The following OLFM2 variants were observed in gnomAD, a reference collection of about 807,000 sequenced individuals.
OLFM2 encodes noelin-2.
In OLFM2, 20 loss-of-function variants were observed where a neutral mutation model predicts 43.9. The ratio of observed to expected loss-of-function variants is 0.46; its 90% CI spans 0.32 to 0.66. The LOEUF (loss-of-function observed/expected upper bound fraction) is 0.66, where lower values mean the gene tolerates loss of function less well. Ranked by LOEUF, OLFM2 falls within the 30% of genes least tolerant of loss-of-function variation. The probability of loss-of-function intolerance (pLI) is 0.04; values close to 1 mark genes in which losing one functional copy is unlikely to be tolerated. For missense variants in OLFM2, 416 were observed against 643.6 expected (o/e 0.65, Z 3.83); for synonymous variants, 268 against 278.6 (o/e 0.96, Z 0.38).
intron 1 of OLFM2, among the ~76,000 whole-genome samples, chr19:9,864,869 G>A (rs982402081): frequency 2.5e-4 from 37 of 145,140 alleles, no homozygotes; most frequent in African/African-American, 9.0e-4. Flanking sequence ...GGGCTCAAGC[G>A]ATCCACCTGC....
intron 1 of OLFM2, among the ~76,000 whole-genome samples, chr19:9,886,348 G>A (rs2145460314): frequency 6.6e-6 from 1 of 152,116 alleles, no homozygotes; most frequent in African/African-American, 2.4e-5. Context: ...TGGGATTACA[G>A]GCACACACCA....
At chr19:9,925,398 C>T (rs182740738) in intron 1 of OLFM2, among the ~76,000 whole-genome samples, 10 of 152,128 alleles carry the variant, frequency 6.6e-5, no homozygotes, top group African/African-American at 1.9e-4. Flanking sequence ...GCGCAGTCGC[C>T]GTAGAAAACA....
chr19:9,872,737 A>T, intron 1 of OLFM2, among the ~76,000 whole-genome samples: 1 of 151,934 alleles, frequency 6.6e-6, no homozygotes, highest in African/African-American at 2.4e-5. Context: ...CATAAAACCA[A>T]CCATCTATCC....
At chr19:9,901,085 GTGA>G in intron 1 of OLFM2, among the ~76,000 whole-genome samples, 1 of 121,220 alleles carries the variant, frequency 8.2e-6, no homozygotes, top group Admixed American at 8.2e-5. Flanking sequence ...AAGAAAGAGA[GTGA>G]GGAAGGAAGG....
chr19:9,895,219 G>A lies in OLFM2; in HGVS notation c.64-34425C>T, dbSNP rs142810121. On this transcript the variant is annotated intron_variant, in intron 1 of 5. Coordinates refer to ENST00000264833, the MANE Select transcript of OLFM2 (RefSeq NM_058164.4). ...TCAGCAAGTCTAGGCTGTGTGCAGT[G>A]GCTTATGCCTGTTATCCCAGCACTT... Among the ~76,000 whole-genome samples, 131 of 152,252 alleles carry A rather than the reference G, an allele frequency of 8.6e-4. 2 individuals carry two copies. Among genetic ancestry groups the A allele is most frequent in the African/African-American group, 3.1e-3 (130 of 41,538 alleles).
At chr19:9,869,094 C>G (rs2046424435) in intron 1 of OLFM2, among the ~76,000 whole-genome samples, 2 of 150,958 alleles carry the variant, frequency 1.3e-5, no homozygotes, top group Admixed American at 6.6e-5. Context: ...CAGCATATGG[C>G]CGGGCCATAA....
At chr19:9,867,803 G>A (rs988263933) in intron 1 of OLFM2, among the ~76,000 whole-genome samples, 1 of 152,154 alleles carries the variant, frequency 6.6e-6, no homozygotes, top group Non-Finnish European at 1.5e-5. Context: ...GAAACTTTGT[G>A]GACAGCATCT....
chr19:9,913,772 A>C (rs929732843), intron 1 of OLFM2: 42 of 489,444 alleles, frequency 8.6e-5, no homozygotes, highest in Non-Finnish European at 1.1e-4. Context: ...GGACGGGGTG[A>C]GGGGGGGCTC....
chr19:9,934,321 A>G (rs1051861144), intron 1 of OLFM2, among the ~76,000 whole-genome samples: 19 of 152,066 alleles, frequency 1.2e-4, no homozygotes, highest in African/African-American at 4.6e-4. Context: ...GCCCTAACGG[A>G]TTACCTCATT....
intron 1 of OLFM2, among the ~76,000 whole-genome samples, chr19:9,893,001 G>A (rs539725258): frequency 4.6e-5 from 7 of 152,098 alleles, no homozygotes; most frequent in South Asian, 4.1e-4. Context: ...AGTCCACAGC[G>A]TAGCCCTGAT....
At chr19:9,931,201 C>T (rs1188350541) in intron 1 of OLFM2, among the ~76,000 whole-genome samples, 1 of 152,200 alleles carries the variant, frequency 6.6e-6, no homozygotes, top group Non-Finnish European at 1.5e-5. Context: ...CCCTAAACAA[C>T]AGTGCCCTAT....
intron 1 of OLFM2, chr19:9,913,426 G>T (rs1046766505): frequency 3.1e-6 from 3 of 972,948 alleles, no homozygotes; most frequent in Non-Finnish European, 3.7e-6. Context: ...CGGCGGCAGC[G>T]GCTGTGGCGC....
chr19:9,926,338 G>A (rs987009115), intron 1 of OLFM2, among the ~76,000 whole-genome samples: 1 of 149,308 alleles, frequency 6.7e-6, no homozygotes, highest in African/African-American at 2.5e-5. Context: ...GGATCACGAG[G>A]TCGGGAGATC....
intron 1 of OLFM2, among the ~76,000 whole-genome samples, chr19:9,895,675 G>A (rs998929659): frequency 2.6e-4 from 39 of 151,852 alleles, no homozygotes; most frequent in African/African-American, 8.2e-4. Flanking sequence ...TCGCTCTGTC[G>A]TCCAGGCTGG....
intron 1 of OLFM2, among the ~76,000 whole-genome samples, chr19:9,920,400 T>C (rs1406936174): frequency 1.3e-5 from 2 of 152,168 alleles, no homozygotes; most frequent in East Asian, 1.9e-4. Context: ...CTTGCTTGCA[T>C]CACCCTGGTC....
At chr19:9,896,257 C>T (rs1489386102) in intron 1 of OLFM2, among the ~76,000 whole-genome samples, 4 of 151,798 alleles carry the variant, frequency 2.6e-5, no homozygotes, top group African/African-American at 7.3e-5. Context: ...CCCGCCACCA[C>T]GCCCGACTAA....
intron 1 of OLFM2, among the ~76,000 whole-genome samples, chr19:9,895,360 G>C (rs1318756163): frequency 6.6e-6 from 1 of 151,962 alleles, no homozygotes; most frequent in Non-Finnish European, 1.5e-5. Flanking sequence ...GCGGGGTGTG[G>C]TGGCACACGC....
chr19:9,854,616 GTGT>G lies in OLFM2; in HGVS notation c.932_934del (p.Asn311del), dbSNP rs770697718. The G allele has an allele frequency of 9.9e-6, 16 of 1,614,056 alleles. No individual in the cohort carries two copies. The highest frequency in any genetic ancestry group is 2.7e-5 in the African/African-American group (2 of 74,940). On this transcript the variant is annotated inframe_deletion, in exon 6 of 6. Transcript: ENST00000264833. The surrounding 1 kb of genome is among the most constrained non-coding windows in gnomAD (Gnocchi z 9.5). ...GAAGCCGCCCCAGGAGTAGGGGAAG[GTGT>G]TGTTGTAACCGGCGCCCGGGAGGCT...
At chr19:9,904,285 G>A (rs2046766965) in intron 1 of OLFM2, among the ~76,000 whole-genome samples, 1 of 151,362 alleles carries the variant, frequency 6.6e-6, no homozygotes, top group Non-Finnish European at 1.5e-5. Flanking sequence ...CCGCCTCCCA[G>A]GTTCAAGCGA....
Sources: gnomAD v4.1 joint callset for allele counts (sites outside exome capture counted in the v4.1 genomes callset) on GRCh38, gnomAD v4.1.1 for gene constraint, Gnocchi (gnomAD v3.1) non-coding constraint, MANE v1.5 for transcripts, NCBI Gene and HGNC (gene_info 2026-07-23, HGNC 2026-07-21) for gene names.